AGBL1: variants seen among roughly 807,000 people sequenced by gnomAD.
AGBL1 encodes AGBL carboxypeptidase 1, also known as cytosolic carboxypeptidase 4.
A neutral mutation model predicts 118.9 loss-of-function variants in AGBL1; 130 were observed. The ratio of observed to expected loss-of-function variants is 1.09; its 90% confidence interval spans 0.95 to 1.26. The LOEUF is 1.26. Ranked by LOEUF, AGBL1 falls within the 50% of genes most tolerant of loss-of-function variation. AGBL1 has a pLI of 0.00. For missense variants in AGBL1, 1,584 were observed against 1,298.1 expected, an observed-to-expected ratio of 1.22 and a Z score of -3.38; for synonymous variants, 555 against 478.9, an observed-to-expected ratio of 1.16 and a Z score of -2.08.
chr15:86,842,518 G>T (rs763088668), intron 22 of AGBL1, among the ~76,000 whole-genome samples: 16 of 152,158 alleles, frequency 1.1e-4, no homozygotes, highest in Non-Finnish European at 1.8e-4. Context: ...AAACTGGCTG[G>T]CAGGAAAAAT....
At chr15:86,648,382 A>G (rs1461953298) in intron 21 of AGBL1, among the ~76,000 whole-genome samples, 1 of 152,128 alleles carries the variant, frequency 6.6e-6, no homozygotes, top group Non-Finnish European at 1.5e-5. Context: ...GATGGATTAG[A>G]GGTGGTGGGT....
chr15:86,147,751 A>G (rs2077052223), intron 3 of AGBL1, among the ~76,000 whole-genome samples: 1 of 152,298 alleles, frequency 6.6e-6, no homozygotes, highest in East Asian at 1.9e-4. Flanking sequence ...TGAAGAGAGC[A>G]ATGGTTCTCC....
At chr15:86,725,182 A>C (rs947904069) in intron 22 of AGBL1, among the ~76,000 whole-genome samples, 1 of 152,238 alleles carries the variant, frequency 6.6e-6, no homozygotes, top group African/African-American at 2.4e-5. Flanking sequence ...TTAAATTTCC[A>C]ATATATGACA....
intron 22 of AGBL1, among the ~76,000 whole-genome samples, chr15:86,863,419 GA>G (rs2079585422): frequency 6.6e-6 from 1 of 152,042 alleles, no homozygotes; most frequent in Non-Finnish European, 1.5e-5. Flanking sequence ...TCAGGCTCTA[GA>G]TTCAAGCCCT....
intron 23 of AGBL1, among the ~76,000 whole-genome samples, chr15:86,935,470 T>G (rs984934568): frequency 1.3e-5 from 2 of 152,182 alleles, no homozygotes; most frequent in Non-Finnish European, 2.9e-5. Context: ...ATGAGTGACA[T>G]TTCCCCATGC....
intron 23 of AGBL1, among the ~76,000 whole-genome samples, chr15:86,953,261 G>A (rs1357266216): frequency 6.6e-6 from 1 of 152,042 alleles, no homozygotes; most frequent in African/African-American, 2.4e-5. Flanking sequence ...GGGCAGTATG[G>A]CCATTTTAAC....
intron 9 of AGBL1, 62 bp from the exon 10 acceptor site, chr15:86,262,716 T>A: frequency 1.8e-6 from 2 of 1,133,096 alleles, no homozygotes; most frequent in Non-Finnish European, 2.6e-6. Flanking sequence ...ACATATCATG[T>A]CTTGATGCTT....
intron 1 of AGBL1, among the ~76,000 whole-genome samples, chr15:86,118,220 G>T (rs1897878563): frequency 6.6e-6 from 1 of 152,178 alleles, no homozygotes; most frequent in Admixed American, 6.5e-5. Context: ...GAGGTGCTGG[G>T]GAGCCCTAGT....
chr15:86,453,361 C>T (rs373654024), intron 18 of AGBL1, among the ~76,000 whole-genome samples: 6 of 152,202 alleles, frequency 3.9e-5, no homozygotes, highest in South Asian at 2.1e-4. Flanking sequence ...ATGCATGTTC[C>T]GGAAACTTCA....
chr15:86,102,222 G>GT (rs1336989702), intron 1 of AGBL1, among the ~76,000 whole-genome samples: 1 of 151,842 alleles, frequency 6.6e-6, no homozygotes, highest in East Asian at 1.9e-4. Flanking sequence ...TGCATTTTTA[G>GT]TAGCGATGGG....
chr15:86,571,278 T>A (rs1199586195), intron 21 of AGBL1, among the ~76,000 whole-genome samples: 1 of 152,176 alleles, frequency 6.6e-6, no homozygotes, highest in African/African-American at 2.4e-5. Flanking sequence ...GCAAGGGGCA[T>A]GTTTCAACCC....
At chr15:86,882,120 C>T (rs563658766) in intron 22 of AGBL1, among the ~76,000 whole-genome samples, 113 of 152,256 alleles carry the variant, frequency 7.4e-4, no homozygotes, top group Non-Finnish European at 1.3e-3. Flanking sequence ...TGCAAAAATT[C>T]GCGGTCTAAC....
intron 22 of AGBL1, among the ~76,000 whole-genome samples, chr15:86,701,596 G>A (rs1466215737): frequency 1.3e-5 from 2 of 151,964 alleles, no homozygotes; most frequent in African/African-American, 4.8e-5. Flanking sequence ...GAAAGCAGTT[G>A]AAGAGAACCA....
intron 21 of AGBL1, among the ~76,000 whole-genome samples, chr15:86,611,140 G>A (rs531220847): frequency 6.6e-6 from 1 of 152,246 alleles, no homozygotes; most frequent in Non-Finnish European, 1.5e-5. Flanking sequence ...TTGATAATGG[G>A]CACTGCATTA....
chr15:86,556,947 G>A (rs2083743252), intron 21 of AGBL1, among the ~76,000 whole-genome samples: 2 of 152,142 alleles, frequency 1.3e-5, no homozygotes, highest in Admixed American at 1.3e-4. Context: ...GTATTGAAAT[G>A]AAATATCATT....
At chr15:86,823,304 C>T (rs80116056) in intron 22 of AGBL1, among the ~76,000 whole-genome samples, 8,269 of 152,138 alleles carry the variant, frequency 0.054, 345 homozygotes, top group East Asian at 0.18. Context: ...GGACATTGGA[C>T]GAATATGTCT....
chr15:86,572,442 T>C (rs2084023315), intron 21 of AGBL1, among the ~76,000 whole-genome samples: 1 of 152,104 alleles, frequency 6.6e-6, no homozygotes, highest in South Asian at 2.1e-4. Context: ...CGTGCTGCTC[T>C]CCTGACGGCT....
intron 22 of AGBL1, among the ~76,000 whole-genome samples, chr15:86,689,568 T>A (rs1210545308): frequency 6.6e-6 from 1 of 152,142 alleles, no homozygotes; most frequent in African/African-American, 2.4e-5. Flanking sequence ...TATAATTCCA[T>A]GCAATTGTTG....
At chr15:86,619,480 G>C (rs983097394) in intron 21 of AGBL1, among the ~76,000 whole-genome samples, 2 of 152,134 alleles carry the variant, frequency 1.3e-5, no homozygotes, top group African/African-American at 2.4e-5. Flanking sequence ...CTTTTCCTTG[G>C]GGAGAAAAAT....
Sources: gnomAD v4.1 joint callset for allele counts (sites outside exome capture counted in the v4.1 genomes callset) on GRCh38, gnomAD v4.1.1 for gene constraint, MANE v1.5 for transcripts, NCBI Gene and HGNC (gene_info 2026-07-23, HGNC 2026-07-21) for gene names.